The following GRAMD4 variants were observed in gnomAD, a reference collection of about 807,000 sequenced individuals.
GRAMD4 encodes GRAM domain containing 4.
A neutral mutation model predicts 83.9 loss-of-function variants in GRAMD4; 25 were observed. That is an observed-to-expected ratio of 0.30 (90% CI 0.22 to 0.42). GRAMD4 has a LOEUF of 0.42. Among genes scored for constraint, GRAMD4 ranks in the 10% least tolerant of loss-of-function variants. The pLI is 1.00. For missense variants in GRAMD4, 593 were observed against 788.7 expected (o/e 0.75, Z 2.97); for synonymous variants, 336 against 320.9 (o/e 1.05, Z -0.50).
intron 3 of GRAMD4, among the ~76,000 whole-genome samples, chr22:46,645,166 C>A (rs1424874451): frequency 6.6e-6 from 1 of 151,764 alleles, no homozygotes; most frequent in Non-Finnish European, 1.5e-5. Flanking sequence ...GTTTTTATAC[C>A]CCAAGCATGA....
At chr22:46,607,303 C>A (rs898605302) in intron 1 of GRAMD4, among the ~76,000 whole-genome samples, 1 of 152,146 alleles carries the variant, frequency 6.6e-6, no homozygotes, top group African/African-American at 2.4e-5. Context: ...ATGTAACAAA[C>A]CTGCATGTTG....
chr22:46,668,774 G>A (rs771997680), intron 12 of GRAMD4, 25 bp from the exon 13 acceptor site: 9 of 1,597,072 alleles, frequency 5.6e-6, no homozygotes, highest in Admixed American at 1.7e-5. Flanking sequence ...CGCCCGCCCG[G>A]CCTGAGCCTC....
intron 1 of GRAMD4, among the ~76,000 whole-genome samples, chr22:46,605,786 G>C (rs2081359656): frequency 6.7e-6 from 1 of 148,402 alleles, no homozygotes; most frequent in African/African-American, 2.5e-5. Flanking sequence ...ATCTCTGCAT[G>C]GGCCTATGGC....
rs952764063 is a variant in GRAMD4 at position 46,659,410 on chromosome 22, C to A, written c.404+1103C>A. 6.6e-6 allele frequency among the ~76,000 whole-genome samples: 1 copy of A among 152,198 alleles called. No homozygotes were observed. The highest frequency in any genetic ancestry group is 1.5e-5 in the Non-Finnish European group (1 of 68,026). ...CAGGTCTCCCACCTCAGCCTCCCAC[C>A]ACCATTGGCCACACCTTTGTCTGTG... On this transcript the variant is annotated intron_variant, in intron 4 of 18. Transcript: ENST00000406902. The surrounding 1 kb of genome is among the most constrained non-coding windows in gnomAD (Gnocchi z 4.1).
intron 1 of GRAMD4, among the ~76,000 whole-genome samples, chr22:46,607,855 T>A (rs1224296930): frequency 6.6e-6 from 1 of 152,198 alleles, no homozygotes; most frequent in Non-Finnish European, 1.5e-5. Flanking sequence ...GTGCCCTTCC[T>A]CTGCAGCCTG....
Position 46,668,885 on chromosome 22 carries a change from A to G in GRAMD4, c.1061A>G (p.Tyr354Cys). 6.3e-7 allele frequency: 1 copy of G among 1,587,678 alleles called. No homozygotes were observed. Among genetic ancestry groups the G allele is most frequent in the Non-Finnish European group, 8.6e-7 (1 of 1,158,122 alleles). ...AAFLASCFFP[Y>C]RLVGLAVGLY... is the part of the protein sequence containing the mutation. ...TTCCTGGCCTCCTGCTTCTTCCCCT[A>G]CCGCCTGGTGGGGCTTGCCGTGGGT... Residue 354 changes from tyrosine (Y) to cysteine (C), a missense_variant, in exon 13 of 19, where the codon TAC becomes TGC. By Grantham distance (194) the Tyr-to-Cys change is radical (BLOSUM62 -2). Around this residue, in one of 4 missense-constraint regions of GRAMD4, gnomAD observed 171 missense variants for 199.6 expected, o/e 0.86. Transcript: ENST00000406902.
intron 1 of GRAMD4, among the ~76,000 whole-genome samples, chr22:46,578,690 C>G (rs1042409098): frequency 6.6e-6 from 1 of 152,176 alleles, no homozygotes; most frequent in Non-Finnish European, 1.5e-5. Context: ...TGGGGTGAAA[C>G]CACGTTCCCC....
chr22:46,588,660 G>A (rs1476388033), intron 1 of GRAMD4, among the ~76,000 whole-genome samples: 1 of 152,190 alleles, frequency 6.6e-6, no homozygotes, highest in Non-Finnish European at 1.5e-5. Flanking sequence ...CTGGAGCTGC[G>A]GGGTGCCCAC....
intron 1 of GRAMD4, among the ~76,000 whole-genome samples, chr22:46,577,741 C>G (rs1160740922): frequency 6.6e-6 from 1 of 152,204 alleles, no homozygotes; most frequent in African/African-American, 2.4e-5. Flanking sequence ...TACAGACGAC[C>G]TCTCCAAAAA....
At chr22:46,606,979 ACCCTC>A (rs58262228) in intron 1 of GRAMD4, among the ~76,000 whole-genome samples, 1,543 of 152,150 alleles carry the variant, frequency 0.01, 21 homozygotes, top group African/African-American at 0.036. Context: ...GCTATGGCTT[ACCCTC>A]CCCAGCTGTG....
At chr22:46,650,359 GT>G (rs1296403369) in intron 3 of GRAMD4, among the ~76,000 whole-genome samples, 5 of 128,006 alleles carry the variant, frequency 3.9e-5, no homozygotes, top group Non-Finnish European at 8.5e-5. Flanking sequence ...GGAGGGCTGC[GT>G]GTCGAGGCTG....
intron 2 of GRAMD4, among the ~76,000 whole-genome samples, chr22:46,629,714 A>G (rs2081737414): frequency 6.6e-6 from 1 of 152,220 alleles, no homozygotes; most frequent in African/African-American, 2.4e-5. Context: ...AGGGGTTTCT[A>G]TTAATAGCAT....
intron 3 of GRAMD4, among the ~76,000 whole-genome samples, chr22:46,646,741 G>C (rs1443285387): frequency 6.6e-6 from 1 of 152,210 alleles, no homozygotes; most frequent in African/African-American, 2.4e-5. Context: ...GTGGTGAAAA[G>C]CTAAACTCTG....
chr22:46,581,962 G>A (rs922907907), intron 1 of GRAMD4, among the ~76,000 whole-genome samples: 2 of 152,168 alleles, frequency 1.3e-5, no homozygotes, highest in East Asian at 1.9e-4. Context: ...TGAGATGGCC[G>A]CGTCTGCACC....
At chr22:46,635,963 G>C (rs979077128) in intron 2 of GRAMD4, among the ~76,000 whole-genome samples, 3 of 152,196 alleles carry the variant, frequency 2.0e-5, no homozygotes, top group Non-Finnish European at 4.4e-5. Context: ...TCCTGGCTGC[G>C]TGTGGGAGCG....
chr22:46,585,010 C>T (rs971962294), intron 1 of GRAMD4, among the ~76,000 whole-genome samples: 2 of 152,204 alleles, frequency 1.3e-5, no homozygotes. Flanking sequence ...TTGAAAAGAT[C>T]TACAGAGCCG....
chr22:46,615,997 C>T (rs2081483172), upstream of GRAMD4, among the ~76,000 whole-genome samples: 1 of 136,588 alleles, frequency 7.3e-6, no homozygotes, highest in Non-Finnish European at 1.5e-5. Context: ...TGTGGGTTCC[C>T]CCGTGTGTAG....
At chr22:46,637,542 A>G (rs1329460398) in intron 2 of GRAMD4, among the ~76,000 whole-genome samples, 2 of 152,144 alleles carry the variant, frequency 1.3e-5, no homozygotes, top group Admixed American at 6.5e-5. Flanking sequence ...CCCAGCCTCC[A>G]TTTTTAAGAT....
chr22:46,615,490 CGTGTGTGCGGGTTCCCCT>C (rs2081469459), upstream of GRAMD4, among the ~76,000 whole-genome samples: 1 of 140,748 alleles, frequency 7.1e-6, no homozygotes, highest in African/African-American at 2.7e-5. Flanking sequence ...TAGGTTCCCC[CGTGTGTGCGGGTTCCCCT>C]GTGTGTGCAG....
Sources: gnomAD v4.1 joint callset for allele counts (sites outside exome capture counted in the v4.1 genomes callset) on GRCh38, gnomAD v4.1.1 for gene constraint, gnomAD v4.1.1 regional missense constraint, Gnocchi (gnomAD v3.1) non-coding constraint, MANE v1.5 for transcripts, NCBI Gene and HGNC (gene_info 2026-07-23, HGNC 2026-07-21) for gene names.